PPM1E: variants seen among roughly 807,000 people sequenced by gnomAD.
PPM1E encodes the protein protein phosphatase, Mg2+/Mn2+ dependent 1E.
A neutral mutation model predicts 65.9 loss-of-function variants in PPM1E; 20 were observed. That is an observed-to-expected ratio of 0.30 (90% CI 0.21 to 0.44). The LOEUF (loss-of-function observed/expected upper bound fraction) is 0.44, where lower values mean the gene tolerates loss of function less well. Ranked by LOEUF, PPM1E falls within the 20% of genes least tolerant of loss-of-function variation. The pLI, the probability that PPM1E is intolerant of heterozygous loss-of-function variation, is 1.00. For synonymous variants in PPM1E, 352 were observed against 374.9 expected, an observed-to-expected ratio of 0.94 and a Z score of 0.70; for missense variants, 713 against 953.1, an observed-to-expected ratio of 0.75 and a Z score of 3.32.
intron 1 of PPM1E, among the ~76,000 whole-genome samples, chr17:58,898,337 A>G (rs952359066): frequency 1.3e-5 from 2 of 152,200 alleles, no homozygotes; most frequent in Non-Finnish European, 2.9e-5. Flanking sequence ...CCCCGTCAAA[A>G]AGTAGGCAAA....
rs529142722 is a variant in PPM1E at position 58,768,574 on chromosome 17, C to T, written c.464+12113C>T. Among the ~76,000 whole-genome samples the T allele has an allele frequency of 2.2e-4, 33 of 152,304 alleles. No homozygotes were observed. In the South Asian group the frequency reaches 5.4e-3, roughly 25 times the overall value. ...TTCAGGCATTACCTATAGATAAGAG[C>T]CGTCTAAGGGTTTTGCACCAAATAT... is the stretch of plus-strand genomic sequence containing the variant. On this transcript the variant is annotated intron_variant, in intron 1 of 6. Coordinates refer to ENST00000308249, the MANE Select transcript of PPM1E (RefSeq NM_014906.5).
At chr17:58,944,087 T>C (rs1275210280) in intron 1 of PPM1E, among the ~76,000 whole-genome samples, 1 of 152,116 alleles carries the variant, frequency 6.6e-6, no homozygotes, top group East Asian at 1.9e-4. Context: ...AGACTTTCCC[T>C]TTCCCCTATC....
chr17:58,824,966 A>G (rs1424159480), intron 1 of PPM1E, among the ~76,000 whole-genome samples: 1 of 151,938 alleles, frequency 6.6e-6, no homozygotes. Context: ...TTCATTTAAA[A>G]TATCTGGCTG....
At chr17:58,759,071 G>A (rs1450108357) in intron 1 of PPM1E, among the ~76,000 whole-genome samples, 1 of 151,708 alleles carries the variant, frequency 6.6e-6, no homozygotes, top group Admixed American at 6.6e-5. Flanking sequence ...GACCTTGTCC[G>A]CCCACCTTCC....
chr17:58,915,385 A>G (rs747532637), intron 1 of PPM1E, among the ~76,000 whole-genome samples: 6 of 152,104 alleles, frequency 3.9e-5, no homozygotes, highest in Non-Finnish European at 7.4e-5. Flanking sequence ...TCTGGTTGCA[A>G]TCTTGGTTTT....
At chr17:58,950,429 G>C (rs567870253) in intron 1 of PPM1E, among the ~76,000 whole-genome samples, 57 of 152,310 alleles carry the variant, frequency 3.7e-4, no homozygotes, top group Admixed American at 2.2e-3. Context: ...ATCTATGTGG[G>C]AACTTTCCAG....
intron 1 of PPM1E, among the ~76,000 whole-genome samples, chr17:58,844,386 A>C (rs2050751169): frequency 6.6e-6 from 1 of 152,194 alleles, no homozygotes; most frequent in Non-Finnish European, 1.5e-5. Flanking sequence ...TATAATAAAA[A>C]TGAGAACATA....
chr17:58,959,065 T>C (rs1437632475), intron 2 of PPM1E, among the ~76,000 whole-genome samples: 1 of 152,024 alleles, frequency 6.6e-6, no homozygotes, highest in Non-Finnish European at 1.5e-5. Context: ...TCCCAGCACT[T>C]TGGGAGGCCG....
intron 1 of PPM1E, among the ~76,000 whole-genome samples, chr17:58,927,151 G>A (rs2051833241): frequency 7.7e-6 from 1 of 129,262 alleles, no homozygotes; most frequent in African/African-American, 3.0e-5. Context: ...TTTTGAGGCA[G>A]AATCTCGCTC....
intron 1 of PPM1E, among the ~76,000 whole-genome samples, chr17:58,840,797 C>T (rs2050710731): frequency 6.6e-6 from 1 of 152,162 alleles, no homozygotes; most frequent in African/African-American, 2.4e-5. Flanking sequence ...TGGTGGGTTG[C>T]AGCTGATCTG....
chr17:58,909,796 T>A (rs1333330701), intron 1 of PPM1E, among the ~76,000 whole-genome samples: 1 of 152,062 alleles, frequency 6.6e-6, no homozygotes, highest in Non-Finnish European at 1.5e-5. Context: ...TTTGTTTTTG[T>A]TTTTTGACAT....
rs955691949 is a variant in PPM1E, at chr17:58,938,185, T to A, written c.465-17464T>A. ...TGAAATTAAAAAACCTTATTTGGAA[T>A]AGAATTATAGAAGTAGAATTTTAGG... On this transcript the variant is annotated intron_variant, in intron 1 of 6. Transcript: ENST00000308249. 2.6e-5 allele frequency among the ~76,000 whole-genome samples: 4 copies of A among 152,304 alleles called. No individual in the cohort carries two copies. The East Asian group carries it at 5.8e-4, about 22-fold the overall frequency.
At chr17:58,879,686 T>A (rs2051170112) in intron 1 of PPM1E, among the ~76,000 whole-genome samples, 1 of 151,946 alleles carries the variant, frequency 6.6e-6, no homozygotes, top group South Asian at 2.1e-4. Context: ...TTTTTTTGTA[T>A]TTTTAGTAGA....
chr17:58,775,920 CAAAAAAAAAAAAA>C (rs1158158641), intron 1 of PPM1E, among the ~76,000 whole-genome samples: 4 of 52,504 alleles, frequency 7.6e-5, no homozygotes, highest in Admixed American at 3.4e-4. Context: ...GACTCCGTCT[CAAAAAAAAAAAAA>C]AAAAAAAAAA....
At position 58,786,601 on chromosome 17, in the gene PPM1E, C is replaced by T. The variant is rs72828706; in HGVS notation, c.464+30140C>T. On this transcript the variant is annotated intron_variant, in intron 1 of 6. Transcript: ENST00000308249. The stretch of plus-strand genomic sequence containing the variant: ...ATTTCATCGGGCTGCTACAGAATGG[C>T]GTGCAGTTTAAAACTTATGAATTGT... Among the ~76,000 whole-genome samples, 742 of 152,190 alleles carry T rather than the reference C, an allele frequency of 4.9e-3. 3 individuals are homozygous for T. Among genetic ancestry groups the T allele is most frequent in the Non-Finnish European group, 7.7e-3 (525 of 68,024 alleles).
At chr17:58,931,551 C>A (rs28709536) in intron 1 of PPM1E, among the ~76,000 whole-genome samples, 57,210 of 151,690 alleles carry the variant, frequency 0.38, 10,996 homozygotes, top group Middle Eastern at 0.51. Flanking sequence ...TAATAAGGCA[C>A]AACCTAGTCA....
At chr17:58,921,338 T>C (rs893161900) in intron 1 of PPM1E, among the ~76,000 whole-genome samples, 2 of 151,960 alleles carry the variant, frequency 1.3e-5, no homozygotes, top group African/African-American at 4.8e-5. Context: ...TAGAGAGGGG[T>C]AATTGATAAT....
Position 58,983,341 on chromosome 17 carries a change from CT to C in PPM1E, c.*2313del, listed in dbSNP as rs146920323. On this transcript the variant is annotated 3_prime_UTR_variant, in exon 7 of 7. Transcript: ENST00000308249. Reference sequence around the variant, plus strand: ...TTAGGTACCATTTGTAAGGTAAATCCTTTAAAATTCTATAATACATACTAAA... The same window carrying C: ...TTAGGTACCATTTGTAAGGTAAATCCTTAAAATTCTATAATACATACTAAA... 7,654 of 158,510 alleles carry C rather than the reference CT, an allele frequency of 0.048. 268 individuals are homozygous for C. Among genetic ancestry groups the C allele is most frequent in the Non-Finnish European group, 0.068 (4,890 of 71,708 alleles). 9.8% of individuals were successfully genotyped at this position (158,510 alleles called of 1,614,324 possible).
chr17:58,852,221 C>T (rs778792360), intron 1 of PPM1E, among the ~76,000 whole-genome samples: 23 of 152,134 alleles, frequency 1.5e-4, no homozygotes, highest in Admixed American at 2.6e-4. Flanking sequence ...CGACCCCTTG[C>T]GCTTCCCGGG....
Sources: allele counts gnomAD v4.1 joint callset (sites outside exome capture counted in the v4.1 genomes callset), GRCh38; gene constraint gnomAD v4.1.1; transcripts MANE v1.5; gene names NCBI Gene and HGNC (gene_info 2026-07-23, HGNC 2026-07-21).